The following RYR2 variants were observed in gnomAD, a reference collection of about 807,000 sequenced individuals.
RYR2 encodes the protein cardiac muscle ryanodine receptor-calcium release channel.
Under a neutral mutation model 601.1 loss-of-function variants are expected in RYR2, and 227 were observed. The observed-to-expected ratio is 0.38, with a 90% CI of 0.34 to 0.42. The LOEUF (loss-of-function observed/expected upper bound fraction) is 0.42. Ranked by LOEUF, RYR2 falls within the 10% of genes least tolerant of loss-of-function variation. The pLI is 1.00. For synonymous variants in RYR2, 2,223 were observed against 2,175.1 expected (o/e 1.02, Z -0.61); for missense variants, 4,646 against 6,156.5 (o/e 0.75, Z 8.21).
intron 1 of RYR2, among the ~76,000 whole-genome samples, chr1:237,234,425 C>T (rs1181286016): frequency 6.6e-6 from 1 of 152,098 alleles, no homozygotes; most frequent in East Asian, 1.9e-4. Flanking sequence ...CATTTCATAT[C>T]TTTATGAAAT....
At chr1:237,380,401 T>A (rs1701395175) in intron 8 of RYR2, among the ~76,000 whole-genome samples, 15 of 33,074 alleles carry the variant, frequency 4.5e-4, no homozygotes, top group East Asian at 3.1e-3. Flanking sequence ...TATATATATA[T>A]ATATATATAT....
At chr1:237,187,210 G>A (rs918657761) in intron 1 of RYR2, among the ~76,000 whole-genome samples, 18 of 148,606 alleles carry the variant, frequency 1.2e-4, no homozygotes, top group African/African-American at 4.0e-4. Flanking sequence ...TCACTCTGTC[G>A]CTCAGGCTGG....
At chr1:237,705,504 G>A (rs373426993) in intron 67 of RYR2, among the ~76,000 whole-genome samples, 161 bp downstream of exon 67, 38 of 152,284 alleles carry the variant, frequency 2.5e-4, no homozygotes, top group African/African-American at 9.1e-4. Flanking sequence ...TGTACCCTGT[G>A]ATAGATGAGG....
chr1:237,808,440 C>T (rs956972093), intron 99 of RYR2, among the ~76,000 whole-genome samples: 4 of 151,980 alleles, frequency 2.6e-5, no homozygotes, highest in Non-Finnish European at 5.9e-5. Context: ...GCGGGCAGAT[C>T]GCCTGAGGTC....
chr1:237,246,958 C>T (rs918688629), intron 1 of RYR2, among the ~76,000 whole-genome samples: 4 of 152,160 alleles, frequency 2.6e-5, no homozygotes, highest in Admixed American at 2.0e-4. Flanking sequence ...TACAAAGTTT[C>T]GTCTCAGTTA....
At chr1:237,278,964 T>G (rs1238844943) in intron 2 of RYR2, among the ~76,000 whole-genome samples, 1 of 152,224 alleles carries the variant, frequency 6.6e-6, no homozygotes, top group Non-Finnish European at 1.5e-5. Flanking sequence ...TTCTAGGGTT[T>G]TAAGTTGAAT....
At chr1:237,774,152 T>C (rs1231063491) in intron 87 of RYR2, among the ~76,000 whole-genome samples, 1 of 152,244 alleles carries the variant, frequency 6.6e-6, no homozygotes, top group African/African-American at 2.4e-5. Context: ...TAACTTCAGA[T>C]TTTTTAAAGA....
At chr1:237,472,540 ATAGT>A (rs1660849295) in intron 17 of RYR2, among the ~76,000 whole-genome samples, 1 of 152,210 alleles carries the variant, frequency 6.6e-6, no homozygotes, top group Non-Finnish European at 1.5e-5. Flanking sequence ...TCATAGGTGA[ATAGT>A]TAAATTATAT....
At chr1:237,455,709 T>C (rs954499415) in intron 15 of RYR2, among the ~76,000 whole-genome samples, 36 of 152,138 alleles carry the variant, frequency 2.4e-4, no homozygotes, top group African/African-American at 6.5e-4. Context: ...ACATAACTTT[T>C]TGAGGACGTT....
At chr1:237,490,821 A>G (rs1490423193) in intron 17 of RYR2, among the ~76,000 whole-genome samples, 1 of 152,256 alleles carries the variant, frequency 6.6e-6, no homozygotes, top group Non-Finnish European at 1.5e-5. Flanking sequence ...TCTGTATTCT[A>G]TGATACCTTT....
At position 237,732,149 on chromosome 1, in the gene RYR2, G is replaced by A; in HGVS notation, c.11039G>A (p.Cys3680Tyr). 1 of 1,593,648 alleles carries A rather than the reference G, an allele frequency of 6.3e-7. No homozygotes were observed. ...LFSRTALTEKCKLEEDFLYMA... is the reference protein window; with the variant it reads ...LFSRTALTEKYKLEEDFLYMA... ...AGTCGGACAGCTTTAACAGAGAAAT[G>A]GTATGGTTGGGAGGGTTCCTATGAG... The change falls in exon 78 of 105, where the codon TGC becomes TAC. Residue 3680 changes from cysteine to tyrosine, a missense_variant and splice_region_variant. Transcript: ENST00000366574.
chr1:237,562,634 G>A (rs722582), intron 27 of RYR2, among the ~76,000 whole-genome samples: 44,689 of 151,938 alleles, frequency 0.29, 6,783 homozygotes, highest in East Asian at 0.47. Flanking sequence ...ACTTGATAAT[G>A]TATGACAGGA....
At chr1:237,511,304 A>T (rs1285012934) in intron 23 of RYR2, among the ~76,000 whole-genome samples, 1 of 151,924 alleles carries the variant, frequency 6.6e-6, no homozygotes, top group African/African-American at 2.4e-5. Flanking sequence ...ACCAAAAAAA[A>T]AAAAAAAAAA....
At chr1:237,797,921 T>A in intron 96 of RYR2, 116 bp from the exon 97 acceptor site, 1 of 955,284 alleles carries the variant, frequency 1.0e-6, no homozygotes, top group Non-Finnish European at 1.5e-6. Context: ...AGATTTTAAG[T>A]GATTGTTAGG....
rs371511136 is a variant in RYR2, at chr1:237,268,734, GA to G, written c.49-1762del. Reference sequence around the variant, plus strand: ...GGGCGGATCACGAGGTCAGGAGATTGAGACCATCCTGACCAACATGGTGAAA... The same window carrying G: ...GGGCGGATCACGAGGTCAGGAGATTGGACCATCCTGACCAACATGGTGAAA... On this transcript the variant is annotated intron_variant, in intron 1 of 104. Coordinates refer to ENST00000366574, the MANE Select transcript of RYR2 (RefSeq NM_001035.3). 3.6e-4 allele frequency among the ~76,000 whole-genome samples: 54 copies of G among 151,792 alleles called. 1 individual carries two copies. In the South Asian group the frequency reaches 0.011, roughly 31 times the overall value.
chr1:237,582,302 G>A (rs1674005771), intron 29 of RYR2, among the ~76,000 whole-genome samples: 1 of 150,742 alleles, frequency 6.6e-6, no homozygotes, highest in African/African-American at 2.4e-5. Flanking sequence ...TAGAGATGGA[G>A]TTTCACCACA....
At chr1:237,419,541 C>A (rs1331598660) in intron 11 of RYR2, among the ~76,000 whole-genome samples, 2 of 152,034 alleles carry the variant, frequency 1.3e-5, no homozygotes, top group Non-Finnish European at 2.9e-5. Context: ...TTATGGTCAG[C>A]CACTGGGGAA....
chr1:237,425,305 G>A (rs894894938), intron 12 of RYR2, among the ~76,000 whole-genome samples: 2 of 151,874 alleles, frequency 1.3e-5, no homozygotes, highest in African/African-American at 4.8e-5. Flanking sequence ...GGGGATATAG[G>A]GATCACCAAC....
intron 2 of RYR2, among the ~76,000 whole-genome samples, chr1:237,295,040 C>T (rs1692615847): frequency 6.6e-6 from 1 of 151,926 alleles, no homozygotes; most frequent in African/African-American, 2.4e-5. Context: ...ATGGCAAAAC[C>T]CCGTCTCTCC....
Sources: gnomAD v4.1 joint callset for allele counts (sites outside exome capture counted in the v4.1 genomes callset) on GRCh38, gnomAD v4.1.1 for gene constraint, MANE v1.5 for transcripts, NCBI Gene and HGNC (gene_info 2026-07-23, HGNC 2026-07-21) for gene names.